NBEA: variants seen among roughly 807,000 people sequenced by gnomAD.
The protein encoded by NBEA is lysosomal-trafficking regulator 2.
NBEA carries 44 observed loss-of-function variants against 343.4 expected under a neutral mutation model. The observed-to-expected ratio is 0.13, with a 90% CI of 0.10 to 0.16. The LOEUF is 0.16. Ranked by LOEUF, NBEA falls within the 10% of genes least tolerant of loss-of-function variation. The pLI is 1.00. For synonymous variants in NBEA, 1,175 were observed against 1,238.7 expected, an observed-to-expected ratio of 0.95 and a Z score of 1.08; for missense variants, 2,555 against 3,631.3, an observed-to-expected ratio of 0.70 and a Z score of 7.62.
At chr13:35,584,079 A>C in intron 46 of NBEA, 41 bp downstream of exon 46, 1 of 1,550,718 alleles carries the variant, frequency 6.4e-7, no homozygotes, top group Non-Finnish European at 8.9e-7. Context: ...TGGTACCTTA[A>C]AATTTTAACA....
rs78686628 is a variant in NBEA, at chr13:35,659,709, T to C, written c.8362+3960T>C. 6.1e-3 allele frequency among the ~76,000 whole-genome samples: 924 copies of C among 152,306 alleles called. 14 individuals are homozygous for C. Among genetic ancestry groups the C allele is most frequent in the African/African-American group, 0.021 (890 of 41,562 alleles). The stretch of plus-strand genomic sequence containing the variant: ...AGTGCAGGTTAGAGTTGAATTATCA[T>C]TGCTTTATTAATGTATTTTATAATA... On this transcript the variant is annotated intron_variant, in intron 55 of 58. Coordinates refer to ENST00000379939, the MANE Select transcript of NBEA (RefSeq NM_001385012.1).
intron 10 of NBEA, among the ~76,000 whole-genome samples, chr13:35,073,770 T>A (rs1362626888): frequency 2.0e-5 from 3 of 152,026 alleles, no homozygotes; most frequent in Non-Finnish European, 4.4e-5. Flanking sequence ...CAAAACCTCG[T>A]TTCTACAAAA....
intron 1 of NBEA, among the ~76,000 whole-genome samples, chr13:35,027,380 C>T (rs2059003760): frequency 6.6e-6 from 1 of 151,622 alleles, no homozygotes; most frequent in South Asian, 2.1e-4. Flanking sequence ...TATGACAGAT[C>T]CACTTTTTTT....
At chr13:35,439,824 C>T (rs1293534383) in intron 39 of NBEA, among the ~76,000 whole-genome samples, 1 of 151,976 alleles carries the variant, frequency 6.6e-6, no homozygotes, top group East Asian at 1.9e-4. Context: ...TAATACAATT[C>T]TTTGTGCTTA....
chr13:35,559,664 C>G (rs2079759395), intron 44 of NBEA, among the ~76,000 whole-genome samples: 1 of 151,984 alleles, frequency 6.6e-6, no homozygotes, highest in Non-Finnish European at 1.5e-5. Context: ...GCCTGTAATC[C>G]CAGCACTTTG....
chr13:35,243,517 G>C (rs2030684721), intron 34 of NBEA, among the ~76,000 whole-genome samples: 1 of 151,830 alleles, frequency 6.6e-6, no homozygotes, highest in Non-Finnish European at 1.5e-5. Flanking sequence ...GTCTTTAAGA[G>C]ACACTCACTG....
At chr13:35,510,577 GTTAC>G (rs946494633) in intron 41 of NBEA, among the ~76,000 whole-genome samples, 30 of 152,096 alleles carry the variant, frequency 2.0e-4, no homozygotes, top group African/African-American at 7.0e-4. Flanking sequence ...CGTATTACAC[GTTAC>G]TGTCTGTTTT....
chr13:35,612,189 G>A (rs909598496), intron 48 of NBEA, among the ~76,000 whole-genome samples: 20 of 151,416 alleles, frequency 1.3e-4, no homozygotes, highest in African/African-American at 4.9e-4. Flanking sequence ...CTGGAGTGCA[G>A]TGGCACCATC....
intron 33 of NBEA, among the ~76,000 whole-genome samples, chr13:35,227,710 A>C (rs2074732954): frequency 1.3e-5 from 2 of 152,036 alleles, no homozygotes; most frequent in Admixed American, 1.3e-4. Context: ...TATATTTGTG[A>C]CATTGTGCTA....
intron 35 of NBEA, among the ~76,000 whole-genome samples, chr13:35,303,123 A>C (rs2036662369): frequency 6.6e-6 from 1 of 152,144 alleles, no homozygotes; most frequent in Admixed American, 6.5e-5. Flanking sequence ...GAACAAAAAA[A>C]TCTTCTTTAC....
chr13:35,195,808 T>C, intron 30 of NBEA, 56 bp from the exon 31 acceptor site: 1 of 1,410,630 alleles, frequency 7.1e-7, no homozygotes, highest in Non-Finnish European at 9.6e-7. Flanking sequence ...ATTTGATTAA[T>C]AATACAAGAT....
Position 35,304,355 on chromosome 13 carries a change from GTGTA to G in NBEA, c.5839-5171_5839-5168del, listed in dbSNP as rs1284815263. 1.5e-3 allele frequency among the ~76,000 whole-genome samples: 224 copies of G among 151,992 alleles called. 1 individual carries two copies. The highest frequency in any genetic ancestry group is 4.9e-3 in the African/African-American group (205 of 41,430). ...TCTGTGTGTGTGTGTGTGTGTGTGTGTGTATATCTGTGTGTGTGTGACGGAGTCT... is the reference window on the plus strand; with the variant it reads ...TCTGTGTGTGTGTGTGTGTGTGTGTGTATCTGTGTGTGTGTGACGGAGTCT... On this transcript the variant is annotated intron_variant, in intron 35 of 58. Transcript: ENST00000379939.
intron 36 of NBEA, among the ~76,000 whole-genome samples, chr13:35,340,440 C>T (rs540681042): frequency 5.3e-5 from 8 of 151,930 alleles, no homozygotes; most frequent in African/African-American, 1.9e-4. Context: ...ATGATGGTGG[C>T]CAAGGGCTGA....
chr13:35,073,673 G>C (rs1484511746), intron 10 of NBEA, among the ~76,000 whole-genome samples: 1 of 152,122 alleles, frequency 6.6e-6, no homozygotes, highest in Non-Finnish European at 1.5e-5. Context: ...GGGGGTGGTG[G>C]CTAACGTCTG....
chr13:35,483,936 G>A (rs948043784), intron 41 of NBEA, among the ~76,000 whole-genome samples: 4 of 151,988 alleles, frequency 2.6e-5, no homozygotes, highest in East Asian at 1.9e-4. Context: ...TACATTTTCC[G>A]TATTCATCTG....
At chr13:34,981,776 T>A (rs2060363171) in intron 1 of NBEA, among the ~76,000 whole-genome samples, 1 of 151,904 alleles carries the variant, frequency 6.6e-6, no homozygotes, top group Non-Finnish European at 1.5e-5. Flanking sequence ...ATCTAGATTG[T>A]TTGCATTTTC....
At chr13:35,520,123 A>G (rs937079916) in intron 41 of NBEA, among the ~76,000 whole-genome samples, 12 of 152,168 alleles carry the variant, frequency 7.9e-5, no homozygotes, top group African/African-American at 2.9e-4. Flanking sequence ...CATCCAACCT[A>G]GATCCCTCAC....
intron 24 of NBEA, among the ~76,000 whole-genome samples, chr13:35,168,245 G>C (rs2070191244): frequency 6.6e-6 from 1 of 151,434 alleles, no homozygotes; most frequent in African/African-American, 2.4e-5. Flanking sequence ...ACATGTACTT[G>C]TCAAAAATTA....
chr13:35,142,292 C>T lies in NBEA; in HGVS notation c.2360C>T (p.Thr787Ile), dbSNP rs758121835. The T allele has an allele frequency of 5.6e-6, 9 of 1,612,956 alleles. No individual in the cohort carries two copies. Among genetic ancestry groups the T allele is most frequent in the Non-Finnish European group, 7.6e-6 (9 of 1,179,312 alleles). Residue 787 changes from threonine (T) to isoleucine (I), a missense_variant, in exon 18 of 59, where the codon ACC (threonine) becomes ATC (isoleucine). Physicochemically the swap from Thr to Ile is moderately conservative, Grantham distance 89 (BLOSUM62 -1). Around this residue, in one of 21 missense-constraint regions of NBEA, gnomAD observed 360 missense variants for 519.1 expected, o/e 0.69. Coordinates refer to ENST00000379939, the MANE Select transcript of NBEA (RefSeq NM_001385012.1). ...GHKRKVEIMH[T>I]HSLFTLLGER... ...AGGAGAAAAGTTGAAATTATGCACA[C>T]CCATAGTCTTTTCACTCTTCTTGGA... is the stretch of plus-strand genomic sequence containing the variant.
Sources: allele counts gnomAD v4.1 joint callset (sites outside exome capture counted in the v4.1 genomes callset), GRCh38; gene constraint gnomAD v4.1.1; regional missense constraint gnomAD v4.1.1; transcripts MANE v1.5; gene names NCBI Gene and HGNC (gene_info 2026-07-23, HGNC 2026-07-21).